The following ART3 variants were observed in gnomAD, a reference collection of about 807,000 sequenced individuals.
ART3 encodes the protein ADP-ribosyltransferase 3 (inactive).
Under a neutral mutation model 48.5 loss-of-function variants are expected in ART3, and 49 were observed. The observed-to-expected ratio is 1.01, with a 90% CI of 0.80 to 1.28. The LOEUF (loss-of-function observed/expected upper bound fraction) is 1.28. Among genes scored for constraint, ART3 ranks in the 50% most tolerant of loss-of-function variants. The probability of loss-of-function intolerance (pLI) is 0.00; values close to 1 mark genes in which losing one functional copy is unlikely to be tolerated. For synonymous variants in ART3, 145 were observed against 157.2 expected, an observed-to-expected ratio of 0.92 and a Z score of 0.58; for missense variants, 438 against 454.3, an observed-to-expected ratio of 0.96 and a Z score of 0.33.
At chr4:76,077,208 C>A (rs1010610184) in intron 2 of ART3, among the ~76,000 whole-genome samples, 6 of 152,182 alleles carry the variant, frequency 3.9e-5, no homozygotes, top group Non-Finnish European at 8.8e-5. Context: ...CATTCCCTGG[C>A]AACCACTGTC....
At chr4:76,065,991 T>C (rs1719698748) in intron 1 of ART3, among the ~76,000 whole-genome samples, 1 of 152,022 alleles carries the variant, frequency 6.6e-6, no homozygotes, top group Admixed American at 6.6e-5. Flanking sequence ...AAATAGCACA[T>C]AGGAAGCAAT....
At chr4:76,104,107 T>G in intron 9 of ART3, 138 bp downstream of exon 9, 1 of 1,030,638 alleles carries the variant, frequency 9.7e-7, no homozygotes, top group Non-Finnish European at 1.4e-6. Context: ...CTACAAATAT[T>G]TAGCTGGGGA....
chr4:76,106,938 G>T (rs754405225), intron 10 of ART3, among the ~76,000 whole-genome samples: 8 of 152,130 alleles, frequency 5.3e-5, no homozygotes, highest in South Asian at 2.1e-4. Context: ...TTTTGCAATG[G>T]TCTGAAAGCC....
In ART3 at chr4:76,112,583, C is replaced by T. The variant is rs945358191; in HGVS notation, c.*64C>T. On this transcript the variant is annotated 3_prime_UTR_variant, in exon 12 of 12. Coordinates refer to ENST00000355810, the MANE Select transcript of ART3 (RefSeq NM_001130016.3). The stretch of plus-strand genomic sequence containing the variant: ...ATAACTATAGGGATCCACAGGAGAT[C>T]AAAAGGAATGATGTATTTTTTACGT... 4 of 1,473,932 alleles carry T rather than the reference C, an allele frequency of 2.7e-6. No homozygotes were observed. In the African/African-American group the frequency reaches 5.7e-5, roughly 21 times the overall value. 91.3% of individuals were successfully genotyped at this position (1,473,932 alleles called of 1,614,324 possible). A position where few individuals can be genotyped will look rare whatever the true frequency, so the allele number is the denominator to read the frequency against.
At chr4:76,035,588 T>C (rs1183862822) in intron 1 of ART3, among the ~76,000 whole-genome samples, 4 of 152,234 alleles carry the variant, frequency 2.6e-5, no homozygotes, top group African/African-American at 7.2e-5. Flanking sequence ...TGAAGCTTGT[T>C]TTGCCCCCTT....
chr4:76,075,774 C>A, intron 1 of ART3, 107 bp from the exon 2 acceptor site: 1 of 789,866 alleles, frequency 1.3e-6, no homozygotes, highest in East Asian at 2.6e-5. Flanking sequence ...GACCATCATG[C>A]TATCCACTCA....
rs1727926990 is a variant in ART3, at chr4:76,104,063, A to G, written c.970+94A>G. On this transcript the variant is annotated intron_variant, in intron 9 of 11. Coordinates refer to ENST00000355810, the MANE Select transcript of ART3 (RefSeq NM_001130016.3). The stretch of plus-strand genomic sequence containing the variant: ...GAATACTGTCATGAGACTATTATTC[A>G]TGAATATTTCCCTTATAGCTACCTG... 4 of 1,347,588 alleles carry G rather than the reference A, an allele frequency of 3.0e-6. No homozygotes were observed. In the East Asian group the frequency reaches 9.2e-5, roughly 31 times the overall value. 83.5% of individuals were successfully genotyped at this position (1,347,588 alleles called of 1,614,324 possible).
chr4:76,095,382 C>T (rs1725773929), intron 3 of ART3, among the ~76,000 whole-genome samples: 1 of 152,060 alleles, frequency 6.6e-6, no homozygotes, highest in Admixed American at 6.6e-5. Flanking sequence ...GTGGTGGGTG[C>T]CTGTAATTTC....
chr4:76,046,857 G>A (rs558399741), intron 1 of ART3, among the ~76,000 whole-genome samples: 7 of 152,078 alleles, frequency 4.6e-5, no homozygotes, highest in African/African-American at 9.6e-5. Flanking sequence ...AGGATTCCTC[G>A]GGTGGTAACG....
intron 1 of ART3, among the ~76,000 whole-genome samples, chr4:76,052,731 T>TTTTTTTA (rs1221044441): frequency 6.6e-6 from 1 of 150,946 alleles, no homozygotes. Context: ...TTTTTTTTTT[T>TTTTTTTA]TAAGACAGAG....
At chr4:76,091,287 A>T (rs1724828733) in intron 3 of ART3, among the ~76,000 whole-genome samples, 1 of 152,226 alleles carries the variant, frequency 6.6e-6, no homozygotes, top group Admixed American at 6.5e-5. Context: ...GGATTATATG[A>T]TAGGTATATG....
chr4:76,021,910 G>A lies in ART3; in HGVS notation c.-10+10590G>A, dbSNP rs749053183. 4 of 1,608,974 alleles carry A rather than the reference G, an allele frequency of 2.5e-6. No individual in the cohort carries two copies. In the African/African-American group the frequency reaches 4.0e-5, roughly 16 times the overall value. On this transcript the variant is annotated intron_variant, in intron 1 of 9. Coordinates refer to the ART3 transcript ENST00000341029. Reference sequence around the variant, plus strand: ...GGTCCATCCTTGGAAGCACTGCATCGATTTTGCTCCCCTCTGGTTTTAAGG... The same window carrying A: ...GGTCCATCCTTGGAAGCACTGCATCAATTTTGCTCCCCTCTGGTTTTAAGG...
intron 9 of ART3, chr4:76,104,396 C>T (rs987203139): frequency 1.0e-6 from 1 of 985,288 alleles, no homozygotes; most frequent in Non-Finnish European, 1.2e-6. Context: ...CAGTGAAGTG[C>T]TATGGCAGAA....
intron 1 of ART3, among the ~76,000 whole-genome samples, chr4:76,027,234 C>G (rs555786396): frequency 6.6e-6 from 1 of 151,808 alleles, no homozygotes; most frequent in Non-Finnish European, 1.5e-5. Context: ...GCCTGGGCAA[C>G]AAGAGCGAAA....
chr4:76,023,370 C>A, intron 1 of ART3: 1 of 1,610,244 alleles, frequency 6.2e-7, no homozygotes, highest in South Asian at 1.1e-5. Context: ...ATGTTCCTTA[C>A]CTTGAATGCC....
At chr4:76,106,092 T>C in intron 10 of ART3, 1 of 985,254 alleles carries the variant, frequency 1.0e-6, no homozygotes, top group Non-Finnish European at 1.2e-6. Flanking sequence ...ACGATAAATA[T>C]TATTGACACT....
chr4:76,079,777 G>A (rs926586109), intron 2 of ART3, among the ~76,000 whole-genome samples: 2 of 152,112 alleles, frequency 1.3e-5, no homozygotes, highest in African/African-American at 4.8e-5. Flanking sequence ...CTTTCAAGAT[G>A]TTTGTTCGTG....
At chr4:76,070,255 T>C (rs752086401), upstream of ART3, among the ~76,000 whole-genome samples, 1 of 152,208 alleles carries the variant, frequency 6.6e-6, no homozygotes, top group Non-Finnish European at 1.5e-5. Context: ...TTTAACTTTA[T>C]GAAAACTGCC....
chr4:76,040,551 A>G (rs1734883365), intron 1 of ART3, among the ~76,000 whole-genome samples: 1 of 124,264 alleles, frequency 8.0e-6, no homozygotes, highest in Non-Finnish European at 1.6e-5. Flanking sequence ...GTCAGGGACT[A>G]TATAGATACT....
Sources: gnomAD v4.1 joint callset for allele counts (sites outside exome capture counted in the v4.1 genomes callset) on GRCh38, gnomAD v4.1.1 for gene constraint, MANE v1.5 for transcripts, NCBI Gene and HGNC (gene_info 2026-07-23, HGNC 2026-07-21) for gene names.